Variants in MRPS5 observed in about 807,000 individuals in gnomAD.
The protein encoded by MRPS5 is mitochondrial ribosomal protein S5.
Under a neutral mutation model 51.9 loss-of-function variants are expected in MRPS5, and 27 were observed. The observed-to-expected ratio is 0.52, with a 90% CI of 0.38 to 0.72. The LOEUF is 0.72. MRPS5 is among the 30% of genes least tolerant of loss of function. The pLI, the probability that MRPS5 is intolerant of heterozygous loss-of-function variation, is 0.00. For missense variants in MRPS5, 570 were observed against 545.7 expected (o/e 1.04, Z -0.44); for synonymous variants, 196 against 193.2 (o/e 1.01, Z -0.12).
chr2:95,120,849 T>C (rs968208769), intron 1 of MRPS5, among the ~76,000 whole-genome samples: 4 of 152,040 alleles, frequency 2.6e-5, no homozygotes, highest in African/African-American at 9.7e-5. Flanking sequence ...CGGCCGGGCG[T>C]GGTGGCTCAC....
intron 10 of MRPS5, among the ~76,000 whole-genome samples, chr2:95,099,391 TAA>T (rs957010122): frequency 6.6e-6 from 1 of 152,150 alleles, no homozygotes; most frequent in Non-Finnish European, 1.5e-5. Flanking sequence ...AAGTTTTTTT[TAA>T]AAAGTTTATT....
At position 95,086,976 on chromosome 2, in the gene MRPS5, T is replaced by G. The variant is rs545873408; in HGVS notation, c.*381A>C. Reference sequence around the variant, plus strand: ...CGGTAGTCAAGTTACTTAACTGCTCTGTAAAATGAAGTTAATCACATTCAC... The same window carrying G: ...CGGTAGTCAAGTTACTTAACTGCTCGGTAAAATGAAGTTAATCACATTCAC... On this transcript the variant is annotated 3_prime_UTR_variant, in exon 12 of 12. Transcript: ENST00000272418. 8.1e-4 allele frequency among the ~76,000 whole-genome samples: 123 copies of G among 152,236 alleles called. No homozygotes were observed. The highest frequency in any genetic ancestry group is 1.4e-3 in the Non-Finnish European group (98 of 68,040).
chr2:95,121,698 G>A (rs1428315810), intron 1 of MRPS5, 36 bp downstream of exon 1: 2 of 1,525,206 alleles, frequency 1.3e-6, no homozygotes, highest in East Asian at 2.6e-5. Context: ...CTCCCGGCCC[G>A]CTCAGAGCCC....
Position 95,101,708 on chromosome 2 carries a change from T to C in MRPS5, c.779A>G (p.Lys260Arg). The change falls in exon 8 of 12, where the codon AAA (lysine) becomes AGA (arginine). Residue 260 changes from lysine to arginine, a missense_variant. Physicochemically the swap from Lys to Arg is conservative, Grantham distance 26. Coordinates refer to ENST00000272418, the MANE Select transcript of MRPS5 (RefSeq NM_031902.5). ...GKGAAGFSIGKATDRMDAFRK... is the reference protein window; with the variant it reads ...GKGAAGFSIGRATDRMDAFRK... The stretch of plus-strand genomic sequence containing the variant: ...GAAAGCATCCATCCGATCAGTAGCT[T>C]TCCCAATAGAAAAACCTTTAAACAA... 6.3e-7 allele frequency: 1 copy of C among 1,599,450 alleles called. No individual in the cohort carries two copies. Among genetic ancestry groups the C allele is most frequent in the Non-Finnish European group, 8.5e-7 (1 of 1,176,342 alleles).
Position 95,100,863 on chromosome 2 carries a change from T to C in MRPS5, c.842A>G (p.Tyr281Cys), listed in dbSNP as rs943061422. 8 of 1,608,436 alleles carry C rather than the reference T, an allele frequency of 5.0e-6. No homozygotes were observed. The highest frequency in any genetic ancestry group is 1.7e-5 in the Admixed American group (1 of 59,378). Reference sequence around the variant, plus strand: ...TGTATGGTCTTCATATCGTTCTATATAATGCAAATGGTGAACTGCTCTGTT... The same window carrying C: ...TGTATGGTCTTCATATCGTTCTATACAATGCAAATGGTGAACTGCTCTGTT... ...AKNRAVHHLH[Y>C]IERYEDHTIF... The change falls in exon 9 of 12, where the codon TAT becomes TGT. Residue 281 changes from tyrosine (Y) to cysteine (C), a missense_variant. By Grantham distance (194) the Tyr-to-Cys change is radical (BLOSUM62 -2). Coordinates refer to ENST00000272418, the MANE Select transcript of MRPS5 (RefSeq NM_031902.5).
At chr2:95,114,344 G>C (rs1046983838) in intron 3 of MRPS5, among the ~76,000 whole-genome samples, 14 of 150,602 alleles carry the variant, frequency 9.3e-5, no homozygotes, top group African/African-American at 2.7e-4. Context: ...TGCAAGCTCC[G>C]CCTCCCGGGT....
intron 5 of MRPS5, among the ~76,000 whole-genome samples, chr2:95,107,188 A>T (rs1443777485): frequency 6.6e-6 from 1 of 152,044 alleles, no homozygotes. Flanking sequence ...TTTCCTCTAA[A>T]CTCTGCTCAA....
intron 11 of MRPS5, among the ~76,000 whole-genome samples, chr2:95,088,108 A>G (rs1448579856): frequency 6.6e-6 from 1 of 151,996 alleles, no homozygotes; most frequent in East Asian, 1.9e-4. Context: ...CTGCAACCTG[A>G]TTCAAACACA....
intron 10 of MRPS5, among the ~76,000 whole-genome samples, chr2:95,095,618 CAAAAT>C (rs1675603629): frequency 6.6e-6 from 1 of 152,040 alleles, no homozygotes; most frequent in African/African-American, 2.4e-5. Context: ...GGGTAAATAA[CAAAAT>C]AAAGGCAGAA....
intron 4 of MRPS5, among the ~76,000 whole-genome samples, chr2:95,109,321 A>G (rs1485298296): frequency 6.6e-6 from 1 of 152,226 alleles, no homozygotes; most frequent in Non-Finnish European, 1.5e-5. Flanking sequence ...TTTGTCAGCA[A>G]GCACAGTACA....
intron 7 of MRPS5, chr2:95,103,667 C>G (rs1356408682): frequency 6.6e-6 from 1 of 152,056 alleles, no homozygotes; most frequent in Non-Finnish European, 1.5e-5. Flanking sequence ...AATTTGGAAA[C>G]AACTTAAATA....
At chr2:95,119,080 T>G (rs1676369359) in intron 1 of MRPS5, among the ~76,000 whole-genome samples, 3 of 151,998 alleles carry the variant, frequency 2.0e-5, no homozygotes, top group Admixed American at 2.0e-4. Context: ...GGACAACAAT[T>G]TTGCAAATCA....
chr2:95,118,289 C>G (rs1676347800), intron 1 of MRPS5, among the ~76,000 whole-genome samples: 1 of 152,208 alleles, frequency 6.6e-6, no homozygotes. Context: ...TTCAATCTCT[C>G]CCCCTCTGCT....
chr2:95,090,506 G>A lies in MRPS5; in HGVS notation c.948C>T (p.Cys316=), dbSNP rs1232006359. 5 of 1,613,996 alleles carry A rather than the reference G, an allele frequency of 3.1e-6. No homozygotes were observed. In the African/African-American group the frequency reaches 6.7e-5, roughly 22 times the overall value. The change falls in exon 11 of 12, where the codon TGC becomes TGT. Residue 316 remains cysteine (C), a synonymous_variant. Coordinates refer to ENST00000272418, the MANE Select transcript of MRPS5 (RefSeq NM_031902.5). ...KKQPKGYGLR[C]HRAIITICRL... is the part of the protein sequence containing the mutation. The stretch of plus-strand genomic sequence containing the variant: ...GGCAGATGGTGATGATGGCCCTGTG[G>A]CAGCGGAGGCCGTAACCTAGAAAAG...
At position 95,099,402 on chromosome 2, in the gene MRPS5, T is replaced by C. The variant is rs1675732072; in HGVS notation, c.931+1072A>G. 3.9e-5 allele frequency among the ~76,000 whole-genome samples: 6 copies of C among 152,344 alleles called. No individual in the cohort carries two copies. The South Asian group carries it at 1.2e-3, about 32-fold the overall frequency. On this transcript the variant is annotated intron_variant, in intron 10 of 11. Coordinates refer to ENST00000272418, the MANE Select transcript of MRPS5 (RefSeq NM_031902.5). Reference sequence around the variant, plus strand: ...TGAAAAGTTTTTTTTAAAAAGTTTATTTAGAGATGTGTTTTATTAACCCAA... The same window carrying C: ...TGAAAAGTTTTTTTTAAAAAGTTTACTTAGAGATGTGTTTTATTAACCCAA...
intron 10 of MRPS5, among the ~76,000 whole-genome samples, chr2:95,096,253 G>C (rs1292596061): frequency 1.3e-5 from 2 of 151,992 alleles, no homozygotes; most frequent in Non-Finnish European, 1.5e-5. Context: ...TTCTACCAGA[G>C]GTACAAAGAG....
rs762256020 is a variant in MRPS5 at position 95,104,646 on chromosome 2, C to G, written c.757G>C (p.Ala253Pro). The change falls in exon 7 of 12, where the codon GCT (alanine) becomes CCT (proline). Residue 253 changes from alanine to proline, a missense_variant. By Grantham distance (27) the Ala-to-Pro change is conservative. Coordinates refer to ENST00000272418, the MANE Select transcript of MRPS5 (RefSeq NM_031902.5). ...VLVAVGNGKGAAGFSIGKATD... is the reference protein window; with the variant it reads ...VLVAVGNGKGPAGFSIGKATD... ...GCCATCACTCCCCATTCACCTGCAG[C>G]TCCTTTTCCGTTCCCCACAGCCACC... The G allele has an allele frequency of 1.5e-5, 25 of 1,614,042 alleles. No homozygotes were observed. Among genetic ancestry groups the G allele is most frequent in the Non-Finnish European group, 2.1e-5 (25 of 1,180,006 alleles).
At chr2:95,094,210 A>G (rs1358440409) in intron 10 of MRPS5, among the ~76,000 whole-genome samples, 1 of 152,080 alleles carries the variant, frequency 6.6e-6, no homozygotes, top group Admixed American at 6.6e-5. Context: ...AACGAACAAA[A>G]CCTCCAAGAA....
chr2:95,118,495 G>A (rs1260270635), intron 1 of MRPS5, among the ~76,000 whole-genome samples: 2 of 152,230 alleles, frequency 1.3e-5, no homozygotes, highest in African/African-American at 2.4e-5. Flanking sequence ...TGCCAGACTT[G>A]TAGTCAGTCT....
Sources: allele counts gnomAD v4.1 joint callset (sites outside exome capture counted in the v4.1 genomes callset), GRCh38; gene constraint gnomAD v4.1.1; transcripts MANE v1.5; gene names NCBI Gene and HGNC (gene_info 2026-07-23, HGNC 2026-07-21).